SCHIP1: variants seen among roughly 807,000 people sequenced by gnomAD.
SCHIP1 encodes the protein schwannomin interacting protein 1, also known as schwannomin-interacting protein 1.
Under a neutral mutation model 29.7 loss-of-function variants are expected in SCHIP1, and 8 were observed. The observed-to-expected ratio is 0.27, with a 90% CI of 0.16 to 0.49. The LOEUF is 0.49. Ranked by LOEUF, SCHIP1 falls within the 20% of genes least tolerant of loss-of-function variation. SCHIP1 has a pLI of 0.99. For synonymous variants in SCHIP1, 76 were observed against 94.9 expected (o/e 0.80, Z 1.16); for missense variants, 193 against 294.6 (o/e 0.66, Z 2.52).
the SCHIP1 span, among the ~76,000 whole-genome samples, chr3:159,347,092 C>T: frequency 6.6e-6 from 1 of 152,110 alleles, no homozygotes; most frequent in African/African-American, 2.4e-5. Context: ...CTCTGTCCTC[C>T]ACAAATATAT....
At chr3:159,771,478 AT>A in the SCHIP1 span, among the ~76,000 whole-genome samples, 42 of 151,914 alleles carry the variant, frequency 2.8e-4, no homozygotes, top group East Asian at 5.8e-3. Flanking sequence ...CAGTGTTAAA[AT>A]TTTTTTTTCT....
the SCHIP1 span, among the ~76,000 whole-genome samples, chr3:159,781,202 T>A: frequency 2.0e-5 from 3 of 152,066 alleles, no homozygotes; most frequent in African/African-American, 7.2e-5. Flanking sequence ...TGAGACAGAG[T>A]TTTGCTCTTG....
chr3:159,386,158 G>A, the SCHIP1 span, among the ~76,000 whole-genome samples: 7 of 152,258 alleles, frequency 4.6e-5, no homozygotes, highest in East Asian at 9.6e-4. Context: ...ACAAACATAC[G>A]TGTGCATGTG....
At chr3:159,611,523 G>A in the SCHIP1 span, among the ~76,000 whole-genome samples, 62 of 142,590 alleles carry the variant, frequency 4.3e-4, no homozygotes, top group African/African-American at 1.2e-3. Context: ...ACACCAGGGC[G>A]TGTTGGGGGG....
At chr3:159,580,105 C>A in the SCHIP1 span, among the ~76,000 whole-genome samples, 18 of 152,218 alleles carry the variant, frequency 1.2e-4, no homozygotes, top group East Asian at 2.3e-3. Context: ...ATTTAAGATT[C>A]TGTTATGGTG....
At chr3:159,698,192 T>C in the SCHIP1 span, among the ~76,000 whole-genome samples, 2 of 152,268 alleles carry the variant, frequency 1.3e-5, no homozygotes, top group East Asian at 3.8e-4. Context: ...TTTATTCTTT[T>C]ATTGGAAATA....
At chr3:159,689,395 G>A in the SCHIP1 span, among the ~76,000 whole-genome samples, 1 of 152,144 alleles carries the variant, frequency 6.6e-6, no homozygotes, top group East Asian at 1.9e-4. Flanking sequence ...TTGGCTCTCT[G>A]TTTCTCTATC....
the SCHIP1 span, among the ~76,000 whole-genome samples, chr3:159,564,622 C>T: frequency 1.1e-4 from 17 of 152,254 alleles, no homozygotes; most frequent in Admixed American, 5.2e-4. Flanking sequence ...GTGATCCACC[C>T]GCCGTGGCCT....
chr3:159,749,136 G>A, the SCHIP1 span, among the ~76,000 whole-genome samples: 24 of 152,172 alleles, frequency 1.6e-4, no homozygotes, highest in Non-Finnish European at 2.5e-4. Flanking sequence ...TTAGCCGGGT[G>A]TGGTGGTGCA....
At chr3:159,481,324 T>TA in the SCHIP1 span, among the ~76,000 whole-genome samples, 3 of 152,044 alleles carry the variant, frequency 2.0e-5, no homozygotes, top group East Asian at 3.9e-4. Flanking sequence ...GATTTTCTTT[T>TA]AAAAAAAAGT....
At chr3:159,626,919 G>A in the SCHIP1 span, among the ~76,000 whole-genome samples, 87 of 152,306 alleles carry the variant, frequency 5.7e-4, 2 homozygotes, top group South Asian at 8.7e-3. Context: ...GAATGTGCAG[G>A]TTTTTTACAT....
At chr3:159,824,472 G>A in the SCHIP1 span, among the ~76,000 whole-genome samples, 3 of 152,132 alleles carry the variant, frequency 2.0e-5, no homozygotes, top group South Asian at 6.2e-4. Flanking sequence ...CAGCTGGGAA[G>A]AACAAACTCC....
chr3:159,738,344 T>G, the SCHIP1 span, among the ~76,000 whole-genome samples: 2 of 152,138 alleles, frequency 1.3e-5, no homozygotes, highest in Non-Finnish European at 2.9e-5. Flanking sequence ...AAAAGAGTTA[T>G]GTTAATTATA....
At chr3:159,750,304 C>T in the SCHIP1 span, among the ~76,000 whole-genome samples, 8 of 143,532 alleles carry the variant, frequency 5.6e-5, no homozygotes, top group South Asian at 4.4e-4. Context: ...TATACACACA[C>T]ACACACACAC....
At chr3:159,431,019 A>T in the SCHIP1 span, among the ~76,000 whole-genome samples, 1 of 152,212 alleles carries the variant, frequency 6.6e-6, no homozygotes, top group East Asian at 1.9e-4. Context: ...CCTTAGGACC[A>T]GGACCTTCAA....
At chr3:159,324,009 T>G in the SCHIP1 span, among the ~76,000 whole-genome samples, 1 of 152,130 alleles carries the variant, frequency 6.6e-6, no homozygotes, top group Admixed American at 6.6e-5. Flanking sequence ...ACAGAGTTAG[T>G]GTTTACCTTC....
At chr3:159,433,163 G>A in the SCHIP1 span, among the ~76,000 whole-genome samples, 1 of 152,168 alleles carries the variant, frequency 6.6e-6, no homozygotes. Flanking sequence ...TCTAGCAGAA[G>A]CTGAAAAAGC....
chr3:159,433,085 G>A, the SCHIP1 span, among the ~76,000 whole-genome samples: 1 of 152,120 alleles, frequency 6.6e-6, no homozygotes, highest in African/African-American at 2.4e-5. Context: ...CAGCGCACTT[G>A]GAAGGAAGAA....
the SCHIP1 span, among the ~76,000 whole-genome samples, chr3:159,535,942 C>G: frequency 6.6e-6 from 1 of 152,116 alleles, no homozygotes; most frequent in African/African-American, 2.4e-5. Context: ...TTGCAGACTC[C>G]CGGTCTAGAG....
Sources: allele counts gnomAD v4.1 joint callset (sites outside exome capture counted in the v4.1 genomes callset), GRCh38; gene constraint gnomAD v4.1.1; transcripts MANE v1.5; gene names NCBI Gene and HGNC (gene_info 2026-07-23, HGNC 2026-07-21).